GALNT1: variants seen among roughly 807,000 people sequenced by gnomAD.
GALNT1 encodes GalNAc transferase 1.
Under a neutral mutation model 65.7 loss-of-function variants are expected in GALNT1, and 17 were observed. That is an observed-to-expected ratio of 0.26 (90% confidence interval 0.18 to 0.39). The LOEUF (loss-of-function observed/expected upper bound fraction) is 0.39, where lower values mean the gene tolerates loss of function less well. GALNT1 is among the 10% of genes least tolerant of loss of function. The pLI is 1.00. For synonymous variants in GALNT1, 210 were observed against 219.7 expected (o/e 0.96, Z 0.39); for missense variants, 460 against 672.8 (o/e 0.68, Z 3.50).
intron 4 of GALNT1, among the ~76,000 whole-genome samples, chr18:35,679,234 A>G (rs1157514945): frequency 6.6e-6 from 1 of 152,220 alleles, no homozygotes; most frequent in Non-Finnish European, 1.5e-5. Context: ...CCTGCAAATG[A>G]CTTGTGCTTG....
intron 1 of GALNT1, among the ~76,000 whole-genome samples, chr18:35,641,037 G>T (rs2047154712): frequency 6.6e-6 from 1 of 152,154 alleles, no homozygotes; most frequent in Non-Finnish European, 1.5e-5. Flanking sequence ...TGTTGCCTAA[G>T]TTGGTCTTGA....
rs544407942 is a variant in GALNT1, at chr18:35,636,884, C to T, written c.-103-17676C>T. On this transcript the variant is annotated intron_variant, in intron 1 of 11. Transcript: ENST00000269195. ...CCATTTTTCCAACAGCATCTGCTCA[C>T]TTTGTGTCTTTATGTCACATTTTGG... 2.3e-4 allele frequency among the ~76,000 whole-genome samples: 33 copies of T among 143,872 alleles called. 1 individual carries two copies. Among genetic ancestry groups the T allele is most frequent in the Middle Eastern group, 7.7e-3 (2 of 260 alleles). 94.4% of individuals were successfully genotyped at this position (143,872 alleles called of 152,430 possible).
chr18:35,620,898 C>T (rs1398555494), intron 1 of GALNT1, among the ~76,000 whole-genome samples: 1 of 151,800 alleles, frequency 6.6e-6, no homozygotes, highest in Non-Finnish European at 1.5e-5. Flanking sequence ...TAGGGTAGTG[C>T]TTTCTTCAGC....
At chr18:35,599,008 T>C (rs544254131) in intron 1 of GALNT1, among the ~76,000 whole-genome samples, 7 of 148,626 alleles carry the variant, frequency 4.7e-5, no homozygotes, top group East Asian at 3.9e-4. Context: ...TTTTTTTTTT[T>C]CATGTACGTG....
Position 35,683,346 on chromosome 18 carries a change from G to T in GALNT1, c.482-45G>T, listed in dbSNP as rs752391436. 2.7e-6 allele frequency: 4 copies of T among 1,485,950 alleles called. No individual in the cohort carries two copies. In the African/African-American group the frequency reaches 5.6e-5, roughly 21 times the overall value. The allele number at this position is 1,485,950 out of a possible 1,614,324, so 92.0% of individuals were successfully genotyped here. A position where few individuals can be genotyped will look rare whatever the true frequency, so the allele number is the denominator to read the frequency against. On this transcript the variant is annotated intron_variant, in intron 4 of 11. Coordinates refer to ENST00000269195, the MANE Select transcript of GALNT1 (RefSeq NM_020474.4). ...TCAAAATTACTTTCATCTGAATAGT[G>T]CCAGGCCACACTGGTTTGCATGTTT...
chr18:35,662,846 G>C (rs1568026877), intron 2 of GALNT1, among the ~76,000 whole-genome samples: 2 of 152,302 alleles, frequency 1.3e-5, no homozygotes, highest in Admixed American at 1.3e-4. Flanking sequence ...AAGGAAGAAA[G>C]TTTGGGAAGT....
At chr18:35,664,260 T>TA (rs1343762370) in intron 3 of GALNT1, 1 of 155,308 alleles carries the variant, frequency 6.4e-6, no homozygotes, top group African/African-American at 2.4e-5. Flanking sequence ...AGTCATTACT[T>TA]ACATCCCCAG....
chr18:35,629,903 A>G (rs1390322321), intron 1 of GALNT1, among the ~76,000 whole-genome samples: 1 of 152,216 alleles, frequency 6.6e-6, no homozygotes. Context: ...CAGGGGTTGC[A>G]ATCCTAGTTT....
intron 1 of GALNT1, among the ~76,000 whole-genome samples, chr18:35,645,203 A>G (rs943083585): frequency 2.9e-5 from 4 of 138,684 alleles, no homozygotes; most frequent in African/African-American, 1.1e-4. Context: ...TTGGGTTTTC[A>G]TAGCTATTTT....
At chr18:35,627,715 C>T (rs968864586) in intron 1 of GALNT1, among the ~76,000 whole-genome samples, 2 of 151,892 alleles carry the variant, frequency 1.3e-5, no homozygotes, top group African/African-American at 4.8e-5. Context: ...TGGGGATTGT[C>T]GGACAGTGGG....
chr18:35,671,341 C>T (rs1400877825), intron 3 of GALNT1, among the ~76,000 whole-genome samples: 2 of 152,098 alleles, frequency 1.3e-5, no homozygotes, highest in African/African-American at 2.4e-5. Context: ...CTCAGCCTCC[C>T]GAGTAACAAG....
Position 35,702,952 on chromosome 18 carries a change from A to G in GALNT1, c.1355A>G (p.Glu452Gly). The G allele has an allele frequency of 6.2e-7, 1 of 1,611,854 alleles. No individual in the cohort carries two copies. Among genetic ancestry groups the G allele is most frequent in the Non-Finnish European group, 8.5e-7 (1 of 1,179,150 alleles). Reference protein sequence around the residue: ...CLDNMARKENEKVGIFNCHGM... With the variant: ...CLDNMARKENGKVGIFNCHGM... The stretch of plus-strand genomic sequence containing the variant: ...GATAACATGGCTAGAAAAGAGAATG[A>G]AAAAGTTGGAATTTTTAATTGCCAT... The change falls in exon 10 of 12, where the codon GAA (glutamate) becomes GGA (glycine). Residue 452 changes from glutamate (E) to glycine (G), a missense_variant. Transcript: ENST00000269195.
At chr18:35,586,726 C>T (rs1236097709) in intron 1 of GALNT1, among the ~76,000 whole-genome samples, 3 of 152,172 alleles carry the variant, frequency 2.0e-5, no homozygotes, top group Non-Finnish European at 4.4e-5. Flanking sequence ...TGTAAAAAAG[C>T]ATTTGGAGCT....
chr18:35,615,398 A>AC (rs11446126), intron 1 of GALNT1, among the ~76,000 whole-genome samples: 34,573 of 152,056 alleles, frequency 0.23, 4,460 homozygotes, highest in African/African-American at 0.35. Context: ...AATGGTTTTT[A>AC]CTAACACTGT....
chr18:35,605,658 A>G lies in GALNT1; in HGVS notation c.-104+23796A>G, dbSNP rs553089198. On this transcript the variant is annotated intron_variant, in intron 1 of 11. Transcript: ENST00000269195. ...TTTCTTCCTTTTTTTAATTGTGGAA[A>G]ATTTCTAATATGTATAGAAGTATAG... Among the ~76,000 whole-genome samples the G allele has an allele frequency of 1.2e-3, 182 of 151,856 alleles. 1 individual carries two copies. Among genetic ancestry groups the G allele is most frequent in the Non-Finnish European group, 3.8e-4 (26 of 67,976 alleles).
chr18:35,614,125 C>T (rs895162304), intron 1 of GALNT1, among the ~76,000 whole-genome samples: 1 of 152,066 alleles, frequency 6.6e-6, no homozygotes, highest in African/African-American at 2.4e-5. Flanking sequence ...TTGTAGTTGT[C>T]AGATATGTAA....
intron 3 of GALNT1, among the ~76,000 whole-genome samples, chr18:35,677,066 C>G (rs2047721345): frequency 6.6e-6 from 1 of 152,176 alleles, no homozygotes; most frequent in Non-Finnish European, 1.5e-5. Flanking sequence ...CTGTTGCCTC[C>G]TCGCTATCCC....
At chr18:35,659,126 A>G (rs2047439976) in intron 2 of GALNT1, among the ~76,000 whole-genome samples, 1 of 152,208 alleles carries the variant, frequency 6.6e-6, no homozygotes, top group Non-Finnish European at 1.5e-5. Context: ...TGACTTTTTC[A>G]TATTGGAAGT....
At chr18:35,688,154 A>G (rs1322284983) in intron 6 of GALNT1, among the ~76,000 whole-genome samples, 1 of 152,234 alleles carries the variant, frequency 6.6e-6, no homozygotes, top group African/African-American at 2.4e-5. Context: ...GCACATGTAC[A>G]TGCAGAAGAT....
Sources: gnomAD v4.1 joint callset for allele counts (sites outside exome capture counted in the v4.1 genomes callset) on GRCh38, gnomAD v4.1.1 for gene constraint, MANE v1.5 for transcripts, NCBI Gene and HGNC (gene_info 2026-07-23, HGNC 2026-07-21) for gene names.